Variants in GLIS3 observed in about 807,000 individuals in gnomAD.
GLIS3 encodes the protein zinc finger protein GLIS3.
A neutral mutation model predicts 78.6 loss-of-function variants in GLIS3; 53 were observed. That is an observed-to-expected ratio of 0.67 (90% CI 0.54 to 0.85). The LOEUF (loss-of-function observed/expected upper bound fraction) is 0.85, where lower values mean the gene tolerates loss of function less well. Ranked by LOEUF, GLIS3 falls within the 40% of genes least tolerant of loss-of-function variation. The pLI is 0.00. For missense variants in GLIS3, 1,703 were observed against 1,231.1 expected, an observed-to-expected ratio of 1.38 and a Z score of -5.74; for synonymous variants, 684 against 509.9, an observed-to-expected ratio of 1.34 and a Z score of -4.60.
the GLIS3 span, among the ~76,000 whole-genome samples, chr9:4,480,053 C>G: frequency 6.6e-6 from 1 of 151,690 alleles, no homozygotes; most frequent in South Asian, 2.1e-4. Flanking sequence ...TGAGCCACGG[C>G]GCCTGGCCTT....
At chr9:3,985,218 C>T (rs1819643674) in intron 4 of GLIS3, among the ~76,000 whole-genome samples, 1 of 152,136 alleles carries the variant, frequency 6.6e-6, no homozygotes, top group African/African-American at 2.4e-5. Context: ...GCTTGGCTCA[C>T]TGCAACCTCC....
At chr9:4,257,083 G>C (rs1825019885) in intron 2 of GLIS3, among the ~76,000 whole-genome samples, 1 of 152,090 alleles carries the variant, frequency 6.6e-6, no homozygotes, top group Non-Finnish European at 1.5e-5. Flanking sequence ...GTGTACATAT[G>C]TATGCATATA....
intron 2 of GLIS3, among the ~76,000 whole-genome samples, chr9:4,222,163 T>C (rs1821382010): frequency 6.6e-6 from 1 of 152,208 alleles, no homozygotes; most frequent in African/African-American, 2.4e-5. Context: ...ATGATGAGTG[T>C]TCCATCACTT....
At chr9:4,351,358 T>C (rs1013853745), upstream of GLIS3, among the ~76,000 whole-genome samples, 17 of 138,538 alleles carry the variant, frequency 1.2e-4, no homozygotes, top group African/African-American at 4.7e-4. Context: ...TGAACTGTAA[T>C]CGCACCACTG....
intron 2 of GLIS3, among the ~76,000 whole-genome samples, chr9:4,260,680 AG>A: frequency 6.6e-6 from 1 of 151,968 alleles, no homozygotes; most frequent in East Asian, 1.9e-4. Flanking sequence ...CGGGAGGCGG[AG>A]GTTGCAGTGA....
intron 2 of GLIS3, among the ~76,000 whole-genome samples, chr9:4,283,749 G>T (rs1446842323): frequency 6.6e-6 from 1 of 152,172 alleles, no homozygotes; most frequent in Non-Finnish European, 1.5e-5. Context: ...TCCTCAACCA[G>T]TTATTGGCTT....
the GLIS3 span, among the ~76,000 whole-genome samples, chr9:4,428,022 T>C: frequency 6.6e-6 from 1 of 150,958 alleles, no homozygotes; most frequent in Non-Finnish European, 1.5e-5. Flanking sequence ...ATAACCAAGT[T>C]CAATCAGAAA....
chr9:4,463,469 T>C, the GLIS3 span, among the ~76,000 whole-genome samples: 1 of 152,196 alleles, frequency 6.6e-6, no homozygotes, highest in East Asian at 1.9e-4. Flanking sequence ...AAATATGCTA[T>C]TCATCAAAAT....
the GLIS3 span, among the ~76,000 whole-genome samples, chr9:4,488,014 A>G: frequency 6.6e-6 from 1 of 152,212 alleles, no homozygotes; most frequent in African/African-American, 2.4e-5. Context: ...CTTTGGAAAT[A>G]TAAAAGATAG....
At chr9:4,138,864 A>C (rs1833600410) in intron 2 of GLIS3, among the ~76,000 whole-genome samples, 1 of 152,192 alleles carries the variant, frequency 6.6e-6, no homozygotes, top group Admixed American at 6.5e-5. Context: ...ATGTTATCAG[A>C]TTGCACACAA....
At chr9:4,419,499 A>G in the GLIS3 span, among the ~76,000 whole-genome samples, 1 of 152,110 alleles carries the variant, frequency 6.6e-6, no homozygotes, top group African/African-American at 2.4e-5. Context: ...CTTTAAAACA[A>G]CCAGCTCTGG....
chr9:4,426,214 G>T, the GLIS3 span, among the ~76,000 whole-genome samples: 1 of 152,116 alleles, frequency 6.6e-6, no homozygotes, highest in African/African-American at 2.4e-5. Flanking sequence ...CCCCACTACT[G>T]CTCCCAAACA....
At chr9:3,916,792 G>A (rs893577134) in intron 6 of GLIS3, among the ~76,000 whole-genome samples, 2 of 152,080 alleles carry the variant, frequency 1.3e-5, no homozygotes, top group Non-Finnish European at 2.9e-5. Context: ...TATTTTAAAT[G>A]AGACTTCATG....
chr9:4,409,587 A>G, the GLIS3 span, among the ~76,000 whole-genome samples: 81 of 152,330 alleles, frequency 5.3e-4, no homozygotes, highest in East Asian at 0.013. Flanking sequence ...AATGATTGTC[A>G]CAGGGTGATG....
chr9:4,083,159 C>T (rs936873270), intron 4 of GLIS3, among the ~76,000 whole-genome samples: 1 of 152,138 alleles, frequency 6.6e-6, no homozygotes, highest in Non-Finnish European at 1.5e-5. Context: ...GAACTCATGC[C>T]TGTGGTTTCA....
At chr9:4,094,734 C>A (rs1468426881) in intron 4 of GLIS3, among the ~76,000 whole-genome samples, 1 of 152,120 alleles carries the variant, frequency 6.6e-6, no homozygotes, top group Non-Finnish European at 1.5e-5. Context: ...ATTTAACATT[C>A]CTAAAATTAG....
chr9:4,449,893 C>T, the GLIS3 span, among the ~76,000 whole-genome samples: 1 of 152,146 alleles, frequency 6.6e-6, no homozygotes, highest in Non-Finnish European at 1.5e-5. Flanking sequence ...TGGGGAGAAA[C>T]TAGAGAGGAA....
At chr9:4,391,719 T>G in the GLIS3 span, among the ~76,000 whole-genome samples, 3 of 152,156 alleles carry the variant, frequency 2.0e-5, no homozygotes, top group Non-Finnish European at 2.9e-5. Flanking sequence ...CAATAGGGAT[T>G]TGGTAAAGCA....
chr9:4,216,722 T>G (rs561987691), intron 2 of GLIS3, among the ~76,000 whole-genome samples: 7 of 152,224 alleles, frequency 4.6e-5, no homozygotes, highest in African/African-American at 1.7e-4. Context: ...TGGCCTAGGA[T>G]TCAGGTTTCG....
Sources: allele counts gnomAD v4.1 joint callset (sites outside exome capture counted in the v4.1 genomes callset), GRCh38; gene constraint gnomAD v4.1.1; transcripts MANE v1.5; gene names NCBI Gene and HGNC (gene_info 2026-07-23, HGNC 2026-07-21).